PYGO1: variants seen among roughly 807,000 people sequenced by gnomAD.
PYGO1 encodes pygopus homolog 1.
In PYGO1, 6 loss-of-function variants were observed where a neutral mutation model predicts 29.5. The observed-to-expected ratio is 0.20, with a 90% CI of 0.11 to 0.40. The LOEUF (loss-of-function observed/expected upper bound fraction) is 0.40, where lower values mean the gene tolerates loss of function less well. PYGO1 is among the 10% of genes least tolerant of loss of function. The probability of loss-of-function intolerance (pLI) is 1.00; values close to 1 mark genes in which losing one functional copy is unlikely to be tolerated. For missense variants in PYGO1, 515 were observed against 514.9 expected, an observed-to-expected ratio of 1.00 and a Z score of 0.00; for synonymous variants, 186 against 180.5, an observed-to-expected ratio of 1.03 and a Z score of -0.24.
chr15:55,571,950 T>C (rs898366215), intron 1 of PYGO1, among the ~76,000 whole-genome samples: 3 of 152,198 alleles, frequency 2.0e-5, no homozygotes, highest in Admixed American at 6.5e-5. Flanking sequence ...GGGAATACTA[T>C]TCCATTTATT....
intron 1 of PYGO1, among the ~76,000 whole-genome samples, chr15:55,573,826 T>C (rs1190145287): frequency 6.6e-6 from 1 of 152,240 alleles, no homozygotes; most frequent in Non-Finnish European, 1.5e-5. Flanking sequence ...TATTACATAC[T>C]GTGTTCTTAC....
intron 1 of PYGO1, among the ~76,000 whole-genome samples, chr15:55,579,099 A>C (rs142699723): frequency 0.012 from 1,878 of 152,306 alleles, 78 homozygotes; most frequent in Admixed American, 0.077. Flanking sequence ...GCTCTCCTCA[A>C]GGTCATTTTT....
At position 55,587,911 on chromosome 15, in the gene PYGO1, C is replaced by T. The variant is rs540186565; in HGVS notation, c.-28G>A. The T allele has an allele frequency of 4.8e-6, 7 of 1,465,416 alleles. No homozygotes were observed. The highest frequency in any genetic ancestry group is 6.3e-6 in the Non-Finnish European group (7 of 1,107,132). 90.8% of individuals were successfully genotyped at this position (1,465,416 alleles called of 1,614,324 possible). On this transcript the variant is annotated 5_prime_UTR_variant, in exon 1 of 3. Coordinates refer to ENST00000563719, the MANE Select transcript of PYGO1 (RefSeq NM_001367806.1). ...CAGACCGCAAAGCATGACTCCCCCC[C>T]AGGCCGCGGGAATTCGGTCTCTTTG...
At position 55,569,798 on chromosome 15, in the gene PYGO1, T is replaced by C. The variant is rs190257715; in HGVS notation, c.49+18037A>G. On this transcript the variant is annotated intron_variant, in intron 1 of 2. Coordinates refer to ENST00000563719, the MANE Select transcript of PYGO1 (RefSeq NM_001367806.1). ...TGATGGATGGTGGCTGTGCCTGCCA[T>C]TGGGGTCCTATAGACATATCTACCA... 4.5e-3 allele frequency among the ~76,000 whole-genome samples: 689 copies of C among 152,298 alleles called. 8 individuals are homozygous for C. The highest frequency in any genetic ancestry group is 0.015 in the African/African-American group (644 of 41,562).
chr15:55,563,366 C>CTTTT (rs746208614), intron 1 of PYGO1, among the ~76,000 whole-genome samples: 2 of 128,790 alleles, frequency 1.6e-5, no homozygotes, highest in East Asian at 2.3e-4. Context: ...TGAATAAATT[C>CTTTT]TTTTTTTTTT....
At chr15:55,575,252 T>C (rs1488885360) in intron 1 of PYGO1, among the ~76,000 whole-genome samples, 1 of 152,210 alleles carries the variant, frequency 6.6e-6, no homozygotes, top group Non-Finnish European at 1.5e-5. Context: ...AGATTCTGAT[T>C]GAGTAGTTCT....
At chr15:55,556,174 A>T (rs551921927) in intron 1 of PYGO1, among the ~76,000 whole-genome samples, 3 of 152,150 alleles carry the variant, frequency 2.0e-5, no homozygotes, top group African/African-American at 7.2e-5. Context: ...TATATACAGA[A>T]TTTTCCACCC....
Position 55,545,659 on chromosome 15 carries a change from T to C in PYGO1, c.*364A>G, listed in dbSNP as rs994188588. On this transcript the variant is annotated 3_prime_UTR_variant, in exon 3 of 3. Coordinates refer to ENST00000563719, the MANE Select transcript of PYGO1 (RefSeq NM_001367806.1). Reference sequence around the variant, plus strand: ...AACTTTTTGAACTAAATCTTTAATATGGTACAACCAAAGTTCAGCACTGAA... The same window carrying C: ...AACTTTTTGAACTAAATCTTTAATACGGTACAACCAAAGTTCAGCACTGAA... 2 of 164,792 alleles carry C rather than the reference T, an allele frequency of 1.2e-5. No individual in the cohort carries two copies. The highest frequency in any genetic ancestry group is 6.1e-5 in the Admixed American group (1 of 16,400). 10.2% of individuals were successfully genotyped at this position (164,792 alleles called of 1,614,324 possible).
intron 2 of PYGO1, among the ~76,000 whole-genome samples, chr15:55,548,497 A>G (rs916177311): frequency 2.0e-5 from 3 of 151,616 alleles, no homozygotes; most frequent in African/African-American, 7.3e-5. Flanking sequence ...CACGAGGTCA[A>G]GAGATTGAGA....
chr15:55,588,066 T>TCGGGGCGGCGGGGCGG lies in PYGO1; in HGVS notation c.-199_-184dup, dbSNP rs964840465. The TCGGGGCGGCGGGGCGG allele has an allele frequency of 1.8e-6, 2 of 1,081,672 alleles. No homozygotes were observed. Among genetic ancestry groups the TCGGGGCGGCGGGGCGG allele is most frequent in the South Asian group, 4.1e-5 (1 of 24,166 alleles). 67.0% of individuals were successfully genotyped at this position (1,081,672 alleles called of 1,614,324 possible). ...CAAAGTTTGGGAGGAGGACGAGGCCTCGGGGCGGCGGGGCGGCGGGGCGGC... is the reference window on the plus strand; with the variant it reads ...CAAAGTTTGGGAGGAGGACGAGGCCTCGGGGCGGCGGGGCGGCGGGGCGGCGGGGCGGCGGGGCGGC... On this transcript the variant is annotated 5_prime_UTR_variant, in exon 1 of 3. Coordinates refer to ENST00000563719, the MANE Select transcript of PYGO1 (RefSeq NM_001367806.1).
chr15:55,557,418 G>A (rs1038422814), intron 1 of PYGO1, among the ~76,000 whole-genome samples: 44 of 152,144 alleles, frequency 2.9e-4, no homozygotes, highest in Non-Finnish European at 6.0e-4. Context: ...AGAGGTACAA[G>A]GAGGAGCTGG....
Position 55,541,139 on chromosome 15 carries a change from C to T in PYGO1, c.*4884G>A, listed in dbSNP as rs1309336550. The T allele has an allele frequency of 6.6e-6, 1 of 152,128 alleles. No individual in the cohort carries two copies. The highest frequency in any genetic ancestry group is 2.4e-5 in the African/African-American group (1 of 41,418). The allele number at this position is 152,128 out of a possible 1,614,324, so 9.4% of individuals were successfully genotyped here. ...AAAGTTTTAAATTAAATACAGGCAG[C>T]TCTGATGTATTAACGCCTGGCATAT... On this transcript the variant is annotated 3_prime_UTR_variant, in exon 3 of 3. Coordinates refer to ENST00000563719, the MANE Select transcript of PYGO1 (RefSeq NM_001367806.1).
intron 1 of PYGO1, among the ~76,000 whole-genome samples, chr15:55,563,571 C>T (rs953867228): frequency 1.3e-5 from 2 of 151,982 alleles, no homozygotes; most frequent in African/African-American, 2.4e-5. Context: ...AGGCTGGTCT[C>T]GAGCTCCTGA....
At chr15:55,548,687 C>T (rs1039589079) in intron 2 of PYGO1, among the ~76,000 whole-genome samples, 2 of 110,200 alleles carry the variant, frequency 1.8e-5, no homozygotes, top group Non-Finnish European at 3.4e-5. Flanking sequence ...TCCAGTCTGG[C>T]AACAGAGCAA....
At chr15:55,588,701 C>T, upstream of PYGO1, 1 of 1,335,080 alleles carries the variant, frequency 7.5e-7, no homozygotes, top group African/African-American at 1.5e-5. Context: ...GCCGACGCTA[C>T]CGGGCCCAGC....
At chr15:55,581,512 T>G (rs1457381347) in intron 1 of PYGO1, among the ~76,000 whole-genome samples, 1 of 152,158 alleles carries the variant, frequency 6.6e-6, no homozygotes, top group Non-Finnish European at 1.5e-5. Context: ...GTGACTCAGT[T>G]GTGTTTGGGG....
intron 1 of PYGO1, among the ~76,000 whole-genome samples, chr15:55,585,405 T>C (rs146053935): frequency 6.6e-6 from 1 of 152,202 alleles, no homozygotes; most frequent in African/African-American, 2.4e-5. Context: ...ATGATATAAA[T>C]TACATTAAAT....
chr15:55,547,012 G>A lies in PYGO1; in HGVS notation c.271C>T (p.Leu91Phe), dbSNP rs770278178. The part of the protein sequence containing the change: ...YKPLPSSNPY[L>F]GPGYPGFGGY... ...CCAAAGCCAGGATAACCAGGGCCAA[G>A]ATATGGATTTGACGAAGGTAGTGGT... The change falls in exon 3 of 3, where the codon CTT becomes TTT. Residue 91 changes from leucine to phenylalanine, a missense_variant. Transcript: ENST00000563719. The A allele has an allele frequency of 4.3e-6, 7 of 1,614,038 alleles. No homozygotes were observed. The Admixed American group carries it at 6.7e-5, about 15-fold the overall frequency.
intron 1 of PYGO1, among the ~76,000 whole-genome samples, chr15:55,555,603 A>C (rs1006597925): frequency 6.6e-6 from 1 of 151,720 alleles, no homozygotes; most frequent in African/African-American, 2.4e-5. Flanking sequence ...CAGCATACCA[A>C]CATGGCACAT....
Sources: allele counts gnomAD v4.1 joint callset (sites outside exome capture counted in the v4.1 genomes callset), GRCh38; gene constraint gnomAD v4.1.1; transcripts MANE v1.5; gene names NCBI Gene and HGNC (gene_info 2026-07-23, HGNC 2026-07-21).